Variants in CSNK2A2IP observed in about 807,000 individuals in gnomAD.
The protein encoded by CSNK2A2IP is casein kinase 2 subunit alpha' interacting protein.
chr3:88,455,989 T>G, the CSNK2A2IP span, among the ~76,000 whole-genome samples: 5 of 152,006 alleles, frequency 3.3e-5, no homozygotes, highest in Non-Finnish European at 7.4e-5. Context: ...TCTTAGTACC[T>G]TTGTTGAAGA....
At chr3:88,431,712 T>C in the CSNK2A2IP span, among the ~76,000 whole-genome samples, 4 of 152,190 alleles carry the variant, frequency 2.6e-5, no homozygotes, top group African/African-American at 7.2e-5. Context: ...TAGAAATTCT[T>C]GATGAGTTGT....
At chr3:88,407,912 C>T in the CSNK2A2IP span, among the ~76,000 whole-genome samples, 687 of 151,892 alleles carry the variant, frequency 4.5e-3, 7 homozygotes, top group African/African-American at 0.015. Flanking sequence ...TTAATAGAGA[C>T]GGGTTTCACC....
the CSNK2A2IP span, among the ~76,000 whole-genome samples, chr3:88,451,326 TG>T: frequency 1.3e-5 from 2 of 152,088 alleles, no homozygotes; most frequent in African/African-American, 4.8e-5. Flanking sequence ...ATTTTCTTGA[TG>T]ATTAACGATG....
At chr3:88,408,683 C>G in the CSNK2A2IP span, among the ~76,000 whole-genome samples, 1 of 151,904 alleles carries the variant, frequency 6.6e-6, no homozygotes, top group Admixed American at 6.6e-5. Flanking sequence ...TGTATATGTT[C>G]AAGATTGCCC....
chr3:88,421,539 C>G, the CSNK2A2IP span, among the ~76,000 whole-genome samples: 1 of 152,104 alleles, frequency 6.6e-6, no homozygotes, highest in South Asian at 2.1e-4. Context: ...ACCTCAGCCT[C>G]AAGTAGTTGT....
the CSNK2A2IP span, among the ~76,000 whole-genome samples, chr3:88,370,520 C>T: frequency 2.0e-5 from 3 of 151,652 alleles, no homozygotes; most frequent in African/African-American, 7.3e-5. Flanking sequence ...CCCTCCCTTC[C>T]ATGAAGGGAC....
chr3:88,466,866 C>T, the CSNK2A2IP span: 2 of 1,132,248 alleles, frequency 1.8e-6, no homozygotes, highest in Non-Finnish European at 1.1e-6. Context: ...CACTTTCTGT[C>T]ATACCAACAC....
the CSNK2A2IP span, among the ~76,000 whole-genome samples, chr3:88,376,791 A>C: frequency 6.6e-6 from 1 of 151,738 alleles, no homozygotes; most frequent in African/African-American, 2.4e-5. Context: ...GCATTTACCA[A>C]ACTTTTTATT....
At chr3:88,359,690 A>T in the CSNK2A2IP span, among the ~76,000 whole-genome samples, 2 of 152,106 alleles carry the variant, frequency 1.3e-5, no homozygotes, top group Admixed American at 6.5e-5. Context: ...TCTTCTTGTT[A>T]TTAATTTCTA....
At chr3:88,432,301 C>CA in the CSNK2A2IP span, among the ~76,000 whole-genome samples, 3 of 151,482 alleles carry the variant, frequency 2.0e-5, no homozygotes, top group Non-Finnish European at 3.0e-5. Context: ...TATTTAATTC[C>CA]ATATATCAAT....
chr3:88,419,858 G>T, the CSNK2A2IP span, among the ~76,000 whole-genome samples: 2 of 152,112 alleles, frequency 1.3e-5, no homozygotes, highest in Admixed American at 6.5e-5. Context: ...TGCTTTAAGT[G>T]TCAAGCCAGT....
At chr3:88,358,059 G>T in the CSNK2A2IP span, among the ~76,000 whole-genome samples, 76 of 152,044 alleles carry the variant, frequency 5.0e-4, no homozygotes, top group African/African-American at 1.8e-3. Flanking sequence ...TCACTTCTTT[G>T]GTTAAGTTTA....
the CSNK2A2IP span, among the ~76,000 whole-genome samples, chr3:88,365,618 C>T: frequency 6.3e-3 from 964 of 152,160 alleles, 3 homozygotes; most frequent in Non-Finnish European, 0.011. Flanking sequence ...GTATCCCTTC[C>T]CAAGAAAAGA....
chr3:88,395,144 A>C, the CSNK2A2IP span, among the ~76,000 whole-genome samples: 1 of 152,212 alleles, frequency 6.6e-6, no homozygotes, highest in Non-Finnish European at 1.5e-5. Flanking sequence ...CATACATGTA[A>C]AATTTTCTCC....
the CSNK2A2IP span, among the ~76,000 whole-genome samples, chr3:88,384,978 G>T: frequency 6.6e-6 from 1 of 152,140 alleles, no homozygotes; most frequent in South Asian, 2.1e-4. Flanking sequence ...ATATGTTGGA[G>T]GAAACTAACC....
the CSNK2A2IP span, among the ~76,000 whole-genome samples, chr3:88,446,711 A>G: frequency 1.2e-3 from 179 of 152,302 alleles, no homozygotes; most frequent in African/African-American, 4.1e-3. Context: ...GCCACTTATG[A>G]GATGGTGAAT....
At chr3:88,418,448 G>GTA in the CSNK2A2IP span, among the ~76,000 whole-genome samples, 1 of 112,496 alleles carries the variant, frequency 8.9e-6, no homozygotes, top group Non-Finnish European at 1.8e-5. Flanking sequence ...GTGTGTGTGT[G>GTA]TGTGTGTGTG....
chr3:88,345,386 G>T, the CSNK2A2IP span, among the ~76,000 whole-genome samples: 7 of 151,878 alleles, frequency 4.6e-5, no homozygotes, highest in African/African-American at 1.7e-4. Context: ...AAAAATTACA[G>T]GCATACCTCG....
the CSNK2A2IP span, among the ~76,000 whole-genome samples, chr3:88,453,062 G>A: frequency 9.2e-5 from 14 of 152,118 alleles, no homozygotes; most frequent in South Asian, 1.0e-3. Flanking sequence ...CAGAAATTTC[G>A]GGTACTTATG....
Sources: allele counts gnomAD v4.1 joint callset (sites outside exome capture counted in the v4.1 genomes callset), GRCh38; gene constraint gnomAD v4.1.1; transcripts MANE v1.5; gene names NCBI Gene and HGNC (gene_info 2026-07-23, HGNC 2026-07-21).